The following MYH13 variants were observed in gnomAD, a reference collection of about 807,000 sequenced individuals.
MYH13 encodes the protein myosin heavy chain 13.
MYH13 carries 177 observed loss-of-function variants against 232.1 expected under a neutral mutation model. The ratio of observed to expected loss-of-function variants is 0.76; its 90% CI spans 0.67 to 0.86. MYH13 has a LOEUF of 0.86. MYH13 is among the 40% of genes least tolerant of loss of function. The pLI, the probability that MYH13 is intolerant of heterozygous loss-of-function variation, is 0.00. For synonymous variants in MYH13, 884 were observed against 923.5 expected (o/e 0.96, Z 0.78); for missense variants, 2,246 against 2,405.9 (o/e 0.93, Z 1.39).
At position 10,320,431 on chromosome 17, in the gene MYH13, C is replaced by T. The variant is rs1259236163; in HGVS notation, c.3177G>A (p.Leu1059=). 6.2e-7 allele frequency: 1 copy of T among 1,613,552 alleles called. No individual in the cohort carries two copies. The highest frequency in any genetic ancestry group is 8.5e-7 in the Non-Finnish European group (1 of 1,179,732). ...CCTGGGACATTTTCAGATCTCCTTC[C>T]AGCTTCCTCTTCGCCCTTTCCAAGT... The part of the protein sequence containing the change: ...RADLERAKRK[L]EGDLKMSQES... The change falls in exon 25 of 41, where the codon CTG becomes CTA. Residue 1059 remains leucine, a synonymous_variant. Coordinates refer to ENST00000252172, the MANE Select transcript of MYH13 (RefSeq NM_003802.3).
chr17:10,307,315 A>G (rs1476735350), intron 35 of MYH13, among the ~76,000 whole-genome samples: 2 of 152,232 alleles, frequency 1.3e-5, no homozygotes, highest in Non-Finnish European at 2.9e-5. Flanking sequence ...CAAATATTTG[A>G]GGATGGATAG....
At chr17:10,334,498 T>C (rs1907521585) in intron 18 of MYH13, among the ~76,000 whole-genome samples, 1 of 152,184 alleles carries the variant, frequency 6.6e-6, no homozygotes, top group South Asian at 2.1e-4. Context: ...AGTGCAGACA[T>C]GGGGCATTTA....
chr17:10,309,191 G>T (rs773111774), intron 35 of MYH13, 43 bp downstream of exon 35: 1 of 1,590,368 alleles, frequency 6.3e-7, no homozygotes, highest in Non-Finnish European at 8.6e-7. Context: ...GGCGCTATCT[G>T]CCCCAGGGTG....
rs777491843 is a variant in MYH13 at position 10,328,043 on chromosome 17, G to A, written c.2514C>T (p.Phe838=). 2 of 1,614,056 alleles carry A rather than the reference G, an allele frequency of 1.2e-6. No individual in the cohort carries two copies. The highest frequency in any genetic ancestry group is 1.3e-5 in the African/African-American group (1 of 74,916). The change falls in exon 22 of 41, where the codon TTC becomes TTT. Residue 838 remains phenylalanine (F), a synonymous_variant. Coordinates refer to ENST00000252172, the MANE Select transcript of MYH13 (RefSeq NM_003802.3). ...CACTCTTCAGCAGGGGCTTGATTTTGAAGAACAGGTTCATCCAGGGCCAGT... is the reference window on the plus strand; with the variant it reads ...CACTCTTCAGCAGGGGCTTGATTTTAAAGAACAGGTTCATCCAGGGCCAGT... ...VKHWPWMNLF[F]KIKPLLKSAE...
At chr17:10,342,425 C>T (rs995297805) in intron 16 of MYH13, among the ~76,000 whole-genome samples, 9 of 152,126 alleles carry the variant, frequency 5.9e-5, no homozygotes, top group African/African-American at 2.2e-4. Context: ...TATCATATGA[C>T]CCAGCAACTC....
intron 18 of MYH13, among the ~76,000 whole-genome samples, chr17:10,334,619 C>A (rs941525575): frequency 5.3e-5 from 8 of 151,982 alleles, no homozygotes; most frequent in African/African-American, 1.9e-4. Flanking sequence ...GTGGCTCATG[C>A]CTGTAATCAC....
At position 10,321,544 on chromosome 17, in the gene MYH13, C is replaced by T; in HGVS notation, c.3099G>A (p.Gln1033=). The T allele has an allele frequency of 6.2e-7, 1 of 1,611,468 alleles. No individual in the cohort carries two copies. Reference sequence around the variant, plus strand: ...AAAATATCCTCACATCATCTGTTTGCTGTTCAAGCTTGGCATTTATTTTGA... The same window carrying T: ...AAAATATCCTCACATCATCTGTTTGTTGTTCAAGCTTGGCATTTATTTTGA... ...GLIKINAKLE[Q]QTDDLEGSLE... The change falls in exon 24 of 41, where the codon CAG becomes CAA. Residue 1033 remains glutamine, a synonymous_variant. Transcript: ENST00000252172.
At position 10,346,699 on chromosome 17, in the gene MYH13, T is replaced by G; in HGVS notation, c.1244A>C (p.Lys415Thr). ...CATTACCTGCTGGACATTTTGCCCTTTAGTGACATATTCATTGCCAACCTT... is the reference window on the plus strand; with the variant it reads ...CATTACCTGCTGGACATTTTGCCCTGTAGTGACATATTCATTGCCAACCTT... The part of the protein sequence containing the change: ...RVKVGNEYVT[K>T]GQNVQQVTNS... Residue 415 changes from lysine (K) to threonine (T), a missense_variant, in exon 13 of 41, where the codon AAA becomes ACA. Transcript: ENST00000252172. 4 of 1,613,646 alleles carry G rather than the reference T, an allele frequency of 2.5e-6. No individual in the cohort carries two copies. The highest frequency in any genetic ancestry group is 3.4e-6 in the Non-Finnish European group (4 of 1,179,574).
intron 5 of MYH13, among the ~76,000 whole-genome samples, chr17:10,361,458 AT>A (rs140605006): frequency 1.3e-5 from 2 of 151,960 alleles, no homozygotes; most frequent in East Asian, 1.9e-4. Flanking sequence ...TGACTGGCTA[AT>A]TTTTTTGTAT....
chr17:10,302,313 A>G (rs1322026752), intron 39 of MYH13, among the ~76,000 whole-genome samples: 2 of 152,180 alleles, frequency 1.3e-5, no homozygotes, highest in African/African-American at 2.4e-5. Flanking sequence ...AAGCTCAGTC[A>G]TTTGTCCAGG....
chr17:10,346,923 G>A (rs994946850), intron 12 of MYH13, 125 bp from the exon 13 acceptor site: 22 of 692,968 alleles, frequency 3.2e-5, no homozygotes, highest in Middle Eastern at 3.1e-4. Context: ...TGTCATATCT[G>A]TACCAGGTCT....
At chr17:10,372,038 G>T (rs1298445755) in intron 1 of MYH13, among the ~76,000 whole-genome samples, 1 of 152,108 alleles carries the variant, frequency 6.6e-6, no homozygotes, top group African/African-American at 2.4e-5. Flanking sequence ...ATTTCATGAA[G>T]CCCTATTTAG....
At chr17:10,314,171 G>A (rs1366599519) in intron 29 of MYH13, among the ~76,000 whole-genome samples, 1 of 152,188 alleles carries the variant, frequency 6.6e-6, no homozygotes, top group African/African-American at 2.4e-5. Flanking sequence ...TGTAATCCTA[G>A]CAGTTTGGGA....
chr17:10,340,279 T>C, intron 17 of MYH13, 42 bp from the exon 18 acceptor site: 2 of 1,613,400 alleles, frequency 1.2e-6, no homozygotes, highest in East Asian at 4.5e-5. Flanking sequence ...CAACTGCCAT[T>C]TCACTGGGGA....
At position 10,362,111 on chromosome 17, in the gene MYH13, T is replaced by G; in HGVS notation, c.505+7A>C. On this transcript the variant is annotated splice_region_variant and intron_variant, in intron 5 of 40. Transcript: ENST00000252172. ...TTCAAAAAATATGAATCAAAGAAAT[T>G]ACTCACCAGTCAGCATGAACTGATA... The G allele has an allele frequency of 6.2e-7, 1 of 1,613,768 alleles. No individual in the cohort carries two copies. The highest frequency in any genetic ancestry group is 8.5e-7 in the Non-Finnish European group (1 of 1,179,832).
In MYH13 at chr17:10,343,817, T is replaced by A. The variant is rs183657375; in HGVS notation, c.1877A>T (p.Tyr626Phe). 246 of 1,605,032 alleles carry A rather than the reference T, an allele frequency of 1.5e-4. No individual in the cohort carries two copies. The highest frequency in any genetic ancestry group is 2.4e-5 in the Non-Finnish European group (28 of 1,174,306). Residue 626 changes from tyrosine to phenylalanine, a missense_variant, in exon 16 of 41, where the codon TAT becomes TTT. Coordinates refer to ENST00000252172, the MANE Select transcript of MYH13 (RefSeq NM_003802.3). ...LKLLSFLFSN[Y>F]AGAETGDSGG... is the part of the protein sequence containing the mutation. ...AATTTTACCTGTCTCTGCACCAGCATAGTTGGAAAAAAGGAAGGAGAGAAG... is the reference window on the plus strand; with the variant it reads ...AATTTTACCTGTCTCTGCACCAGCAAAGTTGGAAAAAAGGAAGGAGAGAAG...
At position 10,300,868 on chromosome 17, in the gene MYH13, G is replaced by A. The variant is rs368542004; in HGVS notation, c.*83C>T. ...ATAAACACAGCAGAGCCGGGAATCC[G>A]AGTATTTAGGAGAATTTATTTCTCA... On this transcript the variant is annotated 3_prime_UTR_variant, in exon 41 of 41. Transcript: ENST00000252172. 445 of 1,375,842 alleles carry A rather than the reference G, an allele frequency of 3.2e-4. No individual in the cohort carries two copies. The highest frequency in any genetic ancestry group is 4.2e-4 in the Non-Finnish European group (410 of 975,616). 85.2% of individuals were successfully genotyped at this position (1,375,842 alleles called of 1,614,324 possible).
At chr17:10,349,271 T>C (rs1489492970) in intron 12 of MYH13, among the ~76,000 whole-genome samples, 1 of 151,952 alleles carries the variant, frequency 6.6e-6, no homozygotes, top group African/African-American at 2.4e-5. Context: ...CCCAGCTAAT[T>C]TGTATTTTTA....
At chr17:10,320,127 G>T in intron 26 of MYH13, 26 bp downstream of exon 26, 6 of 1,536,944 alleles carry the variant, frequency 3.9e-6, no homozygotes, top group Non-Finnish European at 5.3e-6. Context: ...GGATTGTCAT[G>T]ATTGGGAAGG....
Sources: gnomAD v4.1 joint callset for allele counts (sites outside exome capture counted in the v4.1 genomes callset) on GRCh38, gnomAD v4.1.1 for gene constraint, MANE v1.5 for transcripts, NCBI Gene and HGNC (gene_info 2026-07-23, HGNC 2026-07-21) for gene names.